The following U2SURP variants were observed in gnomAD, a reference collection of about 807,000 sequenced individuals.
U2SURP encodes U2 snRNP associated SURP domain containing.
In U2SURP, 9 loss-of-function variants were observed where a neutral mutation model predicts 144.9. That is an observed-to-expected ratio of 0.06 (90% CI 0.04 to 0.11). The LOEUF (loss-of-function observed/expected upper bound fraction) is 0.11, where lower values mean the gene tolerates loss of function less well. Ranked by LOEUF, U2SURP falls within the 10% of genes least tolerant of loss-of-function variation. U2SURP has a pLI of 1.00. For synonymous variants in U2SURP, 408 were observed against 396.8 expected, an observed-to-expected ratio of 1.03 and a Z score of -0.33; for missense variants, 724 against 1,226.7, an observed-to-expected ratio of 0.59 and a Z score of 6.12.
At chr3:143,037,457 CTT>C (rs1227739428) in intron 21 of U2SURP, 122 bp downstream of exon 21, 7 of 936,730 alleles carry the variant, frequency 7.5e-6, no homozygotes, top group Non-Finnish European at 1.1e-5. Context: ...AAGTTATTAA[CTT>C]TTCTATTTCT....
At chr3:143,052,208 AGC>A (rs1934909450) in intron 25 of U2SURP, among the ~76,000 whole-genome samples, 3 of 152,168 alleles carry the variant, frequency 2.0e-5, no homozygotes, top group Non-Finnish European at 4.4e-5. Context: ...CAGCCTGACC[AGC>A]ATGGATAAAC....
intron 8 of U2SURP, 131 bp from the exon 9 acceptor site, chr3:143,021,219 G>A (rs4683720): frequency 0.27 from 264,489 of 987,824 alleles, 38,056 homozygotes; most frequent in African/African-American, 0.47. Context: ...CAACAGAGTT[G>A]TGTGAAGTGG....
chr3:143,022,399 A>T, intron 10 of U2SURP, 98 bp from the exon 11 acceptor site: 10 of 1,178,586 alleles, frequency 8.5e-6, no homozygotes, highest in East Asian at 2.5e-5. Context: ...GCACGTTGCT[A>T]TGTTGCTTTT....
chr3:143,016,716 CA>C, intron 5 of U2SURP, 125 bp from the exon 6 acceptor site: 1 of 828,926 alleles, frequency 1.2e-6, no homozygotes. Context: ...AATTTAATTT[CA>C]TATTTGTTAA....
chr3:143,034,436 C>T (rs1490001506), intron 18 of U2SURP: 2 of 152,368 alleles, frequency 1.3e-5, no homozygotes, highest in East Asian at 1.9e-4. Context: ...CCTCTGTTCC[C>T]CAGAGCTCTC....
intron 10 of U2SURP, among the ~76,000 whole-genome samples, chr3:143,021,788 A>G (rs1022252794): frequency 2.6e-5 from 4 of 152,282 alleles, no homozygotes; most frequent in East Asian, 1.9e-4. Flanking sequence ...TGATTTTATT[A>G]TTAAATCAGG....
intron 23 of U2SURP, 107 bp from the exon 24 acceptor site, chr3:143,043,010 G>C: frequency 9.1e-7 from 1 of 1,097,070 alleles, no homozygotes; most frequent in East Asian, 2.6e-5. Context: ...TTATGTTTTG[G>C]CTATGTTATT....
At position 143,033,050 on chromosome 3, in the gene U2SURP, T is replaced by G. The variant is rs1933594811; in HGVS notation, c.1773+104T>G. The stretch of plus-strand genomic sequence containing the variant: ...CACTTGACTGATGAGATTTTTCCCA[T>G]GCAGTCTTATGTTATTTCTGCTTGG... On this transcript the variant is annotated intron_variant, in intron 17 of 27. Coordinates refer to ENST00000473835, the MANE Select transcript of U2SURP (RefSeq NM_001080415.2). 3.9e-6 allele frequency: 5 copies of G among 1,275,940 alleles called. 1 individual carries two copies. The East Asian group carries it at 1.2e-4, about 30-fold the overall frequency. The allele number at this position is 1,275,940 out of a possible 1,614,324, so 79.0% of individuals were successfully genotyped here. A position where few individuals can be genotyped will look rare whatever the true frequency, so the allele number is the denominator to read the frequency against.
At position 143,028,565 on chromosome 3, in the gene U2SURP, C is replaced by T. The variant is rs1301293559; in HGVS notation, c.1529C>T (p.Pro510Leu). The T allele has an allele frequency of 3.1e-6, 5 of 1,595,880 alleles. No individual in the cohort carries two copies. Among genetic ancestry groups the T allele is most frequent in the South Asian group, 1.1e-5 (1 of 87,010 alleles). The stretch of plus-strand genomic sequence containing the variant: ...TTTTGGAGGCCACCACCATTAAATC[C>T]GTACTTGCATGGAATGTCAGAAGAG... The part of the protein sequence containing the change: ...GSFWRPPPLN[P>L]YLHGMSEEQE... Residue 510 changes from proline to leucine, a missense_variant, in exon 16 of 28, where the codon CCG (proline) becomes CTG (leucine). Physicochemically the swap from Pro to Leu is moderately conservative, Grantham distance 98. Around this residue, in one of 13 missense-constraint regions of U2SURP, gnomAD observed 66 missense variants for 95.0 expected, o/e 0.69. Coordinates refer to ENST00000473835, the MANE Select transcript of U2SURP (RefSeq NM_001080415.2).
At chr3:143,028,075 C>T (rs961235987) in intron 14 of U2SURP, among the ~76,000 whole-genome samples, 2 of 152,032 alleles carry the variant, frequency 1.3e-5, no homozygotes, top group African/African-American at 2.4e-5. Flanking sequence ...CAGTATCTGC[C>T]ATGTAAGTGT....
At chr3:143,049,779 A>G (rs562607324) in intron 24 of U2SURP, among the ~76,000 whole-genome samples, 2 of 152,142 alleles carry the variant, frequency 1.3e-5, no homozygotes, top group African/African-American at 4.8e-5. Flanking sequence ...TACTATTTTT[A>G]TATAGTACAA....
At chr3:143,022,782 A>G in intron 11 of U2SURP, 71 bp from the exon 12 acceptor site, 1 of 1,463,230 alleles carries the variant, frequency 6.8e-7, no homozygotes. Context: ...AAATTATTTC[A>G]ACTCACCAGA....
chr3:143,015,023 C>T (rs2108276053), intron 4 of U2SURP, among the ~76,000 whole-genome samples: 1 of 152,128 alleles, frequency 6.6e-6, no homozygotes, highest in South Asian at 2.1e-4. Context: ...GTGATAAATG[C>T]ATAAATGTAG....
chr3:143,017,016 T>C (rs755139600), intron 6 of U2SURP, 41 bp downstream of exon 6: 3 of 1,529,338 alleles, frequency 2.0e-6, no homozygotes, highest in Non-Finnish European at 1.7e-6. Context: ...TGTTCAGAGA[T>C]GACACTGCCA....
chr3:143,029,956 C>G (rs978186560), intron 16 of U2SURP, among the ~76,000 whole-genome samples: 5 of 152,186 alleles, frequency 3.3e-5, no homozygotes, highest in African/African-American at 1.2e-4. Flanking sequence ...CCACTCTCTT[C>G]AATTCTGTGG....
chr3:143,057,907 C>T lies in U2SURP; in HGVS notation c.*1457C>T, dbSNP rs867737707. 6.6e-6 allele frequency: 1 copy of T among 152,320 alleles called. No homozygotes were observed. The highest frequency in any genetic ancestry group is 1.5e-5 in the Non-Finnish European group (1 of 67,850). 9.4% of individuals were successfully genotyped at this position (152,320 alleles called of 1,614,324 possible). On this transcript the variant is annotated 3_prime_UTR_variant, in exon 28 of 28. Transcript: ENST00000473835. The stretch of plus-strand genomic sequence containing the variant: ...AGCAGTGAGATACACTATTTCCAAA[C>T]GGTGCACACCTACAGTAGCTTTGGA...
intron 24 of U2SURP, among the ~76,000 whole-genome samples, chr3:143,050,534 T>C (rs1273759937): frequency 6.6e-6 from 1 of 152,358 alleles, no homozygotes; most frequent in East Asian, 1.9e-4. Context: ...TGAACCAGAA[T>C]GCCACAGCCT....
chr3:143,025,917 C>T (rs1233843871), intron 13 of U2SURP: 2 of 152,000 alleles, frequency 1.3e-5, no homozygotes, highest in African/African-American at 4.8e-5. Flanking sequence ...TGAAATAGGG[C>T]ATTATAGAGC....
Position 143,032,824 on chromosome 3 carries a change from C to T in U2SURP, c.1651C>T (p.Pro551Ser). 1.9e-6 allele frequency: 3 copies of T among 1,613,342 alleles called. No homozygotes were observed. The highest frequency in any genetic ancestry group is 1.1e-5 in the South Asian group (1 of 90,984). The change falls in exon 17 of 28, where the codon CCA (proline) becomes TCA (serine). Residue 551 changes from proline to serine, a missense_variant. This residue lies in a region of U2SURP where 66 missense variants were observed against 95.0 expected (regional missense o/e 0.69). Coordinates refer to ENST00000473835, the MANE Select transcript of U2SURP (RefSeq NM_001080415.2). ...KLEEILRGLT[P>S]RKNDIGDAMV... ...GGAAGAAATCTTGCGGGGATTAACT[C>T]CAAGGAAAAATGATATTGGAGATGC...
Sources: gnomAD v4.1 joint callset for allele counts (sites outside exome capture counted in the v4.1 genomes callset) on GRCh38, gnomAD v4.1.1 for gene constraint, gnomAD v4.1.1 regional missense constraint, MANE v1.5 for transcripts, NCBI Gene and HGNC (gene_info 2026-07-23, HGNC 2026-07-21) for gene names.